The following CDH2 variants were observed in gnomAD, a reference collection of about 807,000 sequenced individuals.
The protein encoded by CDH2 is cadherin 2.
In CDH2, 17 loss-of-function variants were observed where a neutral mutation model predicts 92.0. The ratio of observed to expected loss-of-function variants is 0.18; its 90% CI spans 0.13 to 0.28. The LOEUF is 0.28. Ranked by LOEUF, CDH2 falls within the 10% of genes least tolerant of loss-of-function variation. The pLI, the probability that CDH2 is intolerant of heterozygous loss-of-function variation, is 1.00. For synonymous variants in CDH2, 419 were observed against 415.9 expected, an observed-to-expected ratio of 1.01 and a Z score of -0.09; for missense variants, 862 against 1,133.1, an observed-to-expected ratio of 0.76 and a Z score of 3.44.
At chr18:28,134,556 A>C (rs576845674) in intron 2 of CDH2, among the ~76,000 whole-genome samples, 1 of 152,214 alleles carries the variant, frequency 6.6e-6, no homozygotes, top group South Asian at 2.1e-4. Context: ...CAAAAAATTA[A>C]AAAATTAGCT....
chr18:28,040,673 A>G (rs996775824), intron 2 of CDH2, among the ~76,000 whole-genome samples: 1 of 152,230 alleles, frequency 6.6e-6, no homozygotes, highest in South Asian at 2.1e-4. Flanking sequence ...CCAAGCTTCA[A>G]TGTAGAATTC....
At chr18:28,066,353 G>T (rs2014506504) in intron 2 of CDH2, among the ~76,000 whole-genome samples, 1 of 152,062 alleles carries the variant, frequency 6.6e-6, no homozygotes, top group Non-Finnish European at 1.5e-5. Context: ...TAAAACTTGG[G>T]TGTCTAATCA....
chr18:28,032,100 G>C (rs537909511), intron 2 of CDH2, among the ~76,000 whole-genome samples: 13 of 152,184 alleles, frequency 8.5e-5, no homozygotes, highest in African/African-American at 1.2e-4. Flanking sequence ...ATGTAGCTAT[G>C]GCCAAGATGC....
chr18:28,132,098 T>C (rs780686435), intron 2 of CDH2, among the ~76,000 whole-genome samples: 9 of 152,206 alleles, frequency 5.9e-5, no homozygotes, highest in Non-Finnish European at 8.8e-5. Context: ...TTTATTTCTC[T>C]CTAAGGTGAT....
At chr18:28,116,103 T>A (rs1477150309) in intron 2 of CDH2, among the ~76,000 whole-genome samples, 3 of 152,162 alleles carry the variant, frequency 2.0e-5, no homozygotes, top group Non-Finnish European at 4.4e-5. Flanking sequence ...GGAATGCTGC[T>A]AAACAATCTA....
intron 1 of CDH2, chr18:28,159,282 T>C (rs936333802): frequency 6.6e-6 from 1 of 152,176 alleles, no homozygotes; most frequent in African/African-American, 2.4e-5. Context: ...AGCTCACAGA[T>C]TCCCTGCAGC....
At chr18:28,090,201 A>G (rs1681319258) in intron 2 of CDH2, among the ~76,000 whole-genome samples, 1 of 152,180 alleles carries the variant, frequency 6.6e-6, no homozygotes, top group South Asian at 2.1e-4. Flanking sequence ...TCTTTTTTGC[A>G]TCTGTTGACT....
intron 2 of CDH2, among the ~76,000 whole-genome samples, chr18:28,087,973 T>C (rs2014966697): frequency 6.6e-6 from 1 of 151,874 alleles, no homozygotes; most frequent in African/African-American, 2.4e-5. Context: ...AAAGAGGGAG[T>C]GAATGTGAAA....
At chr18:28,128,875 G>C (rs2015720802) in intron 2 of CDH2, among the ~76,000 whole-genome samples, 1 of 152,082 alleles carries the variant, frequency 6.6e-6, no homozygotes, top group African/African-American at 2.4e-5. Context: ...CAGGCAACAG[G>C]CATCCTATTT....
chr18:28,146,617 G>A (rs1195175044), intron 2 of CDH2: 1 of 152,042 alleles, frequency 6.6e-6, no homozygotes, highest in Non-Finnish European at 1.5e-5. Flanking sequence ...AAAATAAAAT[G>A]TAACCTGCAC....
chr18:28,010,195 G>A (rs184443203), intron 4 of CDH2, among the ~76,000 whole-genome samples: 3 of 152,234 alleles, frequency 2.0e-5, no homozygotes, highest in Admixed American at 6.5e-5. Context: ...TAGGTTAGAC[G>A]ATTTAACATA....
At chr18:27,947,087 T>C (rs530611270), downstream of CDH2, among the ~76,000 whole-genome samples, 5 of 151,908 alleles carry the variant, frequency 3.3e-5, no homozygotes, top group South Asian at 1.0e-3. Context: ...AAAAAAATAC[T>C]ATTCATCTTG....
intron 2 of CDH2, among the ~76,000 whole-genome samples, chr18:28,103,609 G>A (rs1444017392): frequency 6.6e-5 from 10 of 151,776 alleles, no homozygotes; most frequent in East Asian, 3.9e-4. Flanking sequence ...CCATCAACCC[G>A]TCATCTACAT....
Position 27,941,033 on chromosome 18 carries a change from C to CTT in CDH2, c.1152-7911_1152-7910dup, listed in dbSNP as rs59212895. On this transcript the variant is annotated intron_variant, in intron 6 of 6. Transcript: ENST00000675173. ...GCTGAGGTTTCAATCTAAGTAGCAC[C>CTT]TTTTTTTTTTTTTTTTTTTTGAGAA... 2.3e-3 allele frequency among the ~76,000 whole-genome samples: 286 copies of CTT among 124,586 alleles called. 1 individual carries two copies. Among genetic ancestry groups the CTT allele is most frequent in the East Asian group, 6.8e-3 (25 of 3,652 alleles). 81.7% of individuals were successfully genotyped at this position (124,586 alleles called of 152,430 possible).
chr18:28,030,601 G>A (rs997495824), intron 2 of CDH2, among the ~76,000 whole-genome samples: 14 of 151,998 alleles, frequency 9.2e-5, no homozygotes, highest in African/African-American at 3.4e-4. Context: ...AACAAGTGGA[G>A]GACAAGTGGA....
chr18:28,084,681 G>A (rs898311315), intron 2 of CDH2, among the ~76,000 whole-genome samples: 1 of 151,910 alleles, frequency 6.6e-6, no homozygotes, highest in Non-Finnish European at 1.5e-5. Context: ...CTTCCACTTT[G>A]ACCTGTTCCT....
intron 2 of CDH2, among the ~76,000 whole-genome samples, chr18:28,129,590 G>A (rs926911927): frequency 1.3e-5 from 2 of 152,174 alleles, no homozygotes; most frequent in African/African-American, 4.8e-5. Context: ...AACTCTGGCA[G>A]GCCAAGGTGG....
At chr18:28,002,706 A>C (rs1222699366) in intron 7 of CDH2, among the ~76,000 whole-genome samples, 6 of 152,216 alleles carry the variant, frequency 3.9e-5, no homozygotes, top group African/African-American at 1.4e-4. Context: ...TTGACTATAA[A>C]GGAAAATGAG....
chr18:28,138,274 A>G (rs1279093490), intron 2 of CDH2, among the ~76,000 whole-genome samples: 1 of 152,040 alleles, frequency 6.6e-6, no homozygotes, highest in Admixed American at 6.6e-5. Context: ...TCAAAAATCA[A>G]TTTTACAAGT....
Sources: allele counts gnomAD v4.1 joint callset (sites outside exome capture counted in the v4.1 genomes callset), GRCh38; gene constraint gnomAD v4.1.1; transcripts MANE v1.5; gene names NCBI Gene and HGNC (gene_info 2026-07-23, HGNC 2026-07-21).